The following TLK2 variants were observed in gnomAD, a reference collection of about 807,000 sequenced individuals.
The protein encoded by TLK2 is tousled like kinase 2.
Under a neutral mutation model 117.3 loss-of-function variants are expected in TLK2, and 6 were observed. The observed-to-expected ratio is 0.05, with a 90% CI of 0.03 to 0.10. TLK2 has a LOEUF of 0.10. Ranked by LOEUF, TLK2 falls within the 10% of genes least tolerant of loss-of-function variation. TLK2 has a pLI of 1.00. For missense variants in TLK2, 299 were observed against 901.2 expected (o/e 0.33, Z 8.56); for synonymous variants, 257 against 316.7 (o/e 0.81, Z 2.00).
At chr17:62,593,101 G>T (rs1044279236) in intron 16 of TLK2, among the ~76,000 whole-genome samples, 1 of 152,156 alleles carries the variant, frequency 6.6e-6, no homozygotes, top group Admixed American at 6.5e-5. Flanking sequence ...TCCTAACAAG[G>T]CACGGACCTG....
chr17:62,536,941 A>G (rs1234394188), intron 7 of TLK2, among the ~76,000 whole-genome samples: 1 of 152,160 alleles, frequency 6.6e-6, no homozygotes, highest in African/African-American at 2.4e-5. Context: ...GTTTGACCTC[A>G]TTTCATAAGG....
chr17:62,486,522 G>A (rs530643190), intron 2 of TLK2, among the ~76,000 whole-genome samples: 6 of 152,128 alleles, frequency 3.9e-5, no homozygotes, highest in Non-Finnish European at 7.3e-5. Flanking sequence ...CTAGTAATGT[G>A]AAACTGACTA....
At chr17:62,484,674 A>G (rs2072124624) in intron 2 of TLK2, among the ~76,000 whole-genome samples, 1 of 152,062 alleles carries the variant, frequency 6.6e-6, no homozygotes, top group African/African-American at 2.4e-5. Flanking sequence ...GGAGGGGATG[A>G]TGATACTGGG....
intron 21 of TLK2, among the ~76,000 whole-genome samples, chr17:62,611,246 T>A (rs1823478825): frequency 6.6e-6 from 1 of 152,234 alleles, no homozygotes; most frequent in Admixed American, 6.5e-5. Context: ...AGGCCAAGGA[T>A]CATTATGTTC....
chr17:62,522,515 A>G (rs1414046434), intron 4 of TLK2, among the ~76,000 whole-genome samples: 2 of 152,146 alleles, frequency 1.3e-5, no homozygotes, highest in African/African-American at 4.8e-5. Flanking sequence ...CTTCTTAACC[A>G]CAGGTTTTTC....
At chr17:62,523,218 A>G in intron 5 of TLK2, 41 bp downstream of exon 5, 1 of 1,590,342 alleles carries the variant, frequency 6.3e-7, no homozygotes, top group Admixed American at 1.9e-5. Flanking sequence ...ACAAAACAAA[A>G]CAAAAAAACT....
At chr17:62,610,033 C>T (rs1357276491) in intron 21 of TLK2, among the ~76,000 whole-genome samples, 2 of 152,182 alleles carry the variant, frequency 1.3e-5, no homozygotes, top group Non-Finnish European at 2.9e-5. Flanking sequence ...GCCACAGCTG[C>T]CACCCAGAGT....
chr17:62,604,668 T>C (rs2083130388), intron 19 of TLK2, among the ~76,000 whole-genome samples: 1 of 151,968 alleles, frequency 6.6e-6, no homozygotes, highest in African/African-American at 2.4e-5. Flanking sequence ...CCCAGCACTT[T>C]GGGAGGCCAA....
upstream of TLK2, among the ~76,000 whole-genome samples, chr17:62,476,202 A>G (rs996074570): frequency 1.3e-5 from 2 of 151,338 alleles, no homozygotes; most frequent in Admixed American, 6.6e-5. Context: ...CTGGTCTCGA[A>G]CTGCTGGCCT....
chr17:62,477,015 C>G (rs2071068816), upstream of TLK2, among the ~76,000 whole-genome samples: 1 of 151,920 alleles, frequency 6.6e-6, no homozygotes, highest in South Asian at 2.1e-4. Flanking sequence ...TGCTTGAACC[C>G]GGGTGGCAGA....
At chr17:62,549,418 A>AAAAAAAAAAAAAAAAAAAAAAAAAG (rs1598512121) in intron 7 of TLK2, among the ~76,000 whole-genome samples, 4 of 8,532 alleles carry the variant, frequency 4.7e-4, no homozygotes, top group Non-Finnish European at 6.2e-4. Flanking sequence ...AAAAAAAAAA[A>AAAAAAAAAAAAAAAAAAAAAAAAAG]AAAAAAAAAA....
At chr17:62,479,914 A>T (rs2071422046) in intron 1 of TLK2, among the ~76,000 whole-genome samples, 1 of 152,200 alleles carries the variant, frequency 6.6e-6, no homozygotes, top group Non-Finnish European at 1.5e-5. Flanking sequence ...AGACGCGAGG[A>T]AGGCCACGGG....
At chr17:62,471,125 G>A (rs2543454) in intron 1 of TLK2, 12 of 152,394 alleles carry the variant, frequency 7.9e-5, no homozygotes, top group African/African-American at 2.4e-4. Context: ...GAGAGTTTAA[G>A]TAACTTGCCA....
In TLK2 at chr17:62,514,776, G is replaced by A. The variant is rs573619861; in HGVS notation, c.82-5997G>A. ...GTATTTTTAGTAGAGATGGGGTTTC[G>A]CCATGTTGGCCATGCTTCTCTCAAA... On this transcript the variant is annotated intron_variant, in intron 2 of 21. Transcript: ENST00000346027. Among the ~76,000 whole-genome samples the A allele has an allele frequency of 1.3e-4, 19 of 151,528 alleles. No homozygotes were observed. The East Asian group carries it at 3.4e-3, about 27-fold the overall frequency.
At chr17:62,494,759 G>A (rs926952483) in intron 2 of TLK2, among the ~76,000 whole-genome samples, 1 of 152,200 alleles carries the variant, frequency 6.6e-6, no homozygotes, top group African/African-American at 2.4e-5. Context: ...GGACTCAGAT[G>A]CCTATGGCAC....
At chr17:62,540,423 T>TTTTTTTTTTTTTTTTTTC (rs2077447509) in intron 7 of TLK2, among the ~76,000 whole-genome samples, 1 of 129,982 alleles carries the variant, frequency 7.7e-6, no homozygotes, top group African/African-American at 2.9e-5. Flanking sequence ...TTTTTTTTTT[T>TTTTTTTTTTTTTTTTTTC]GAGACAGAGT....
At chr17:62,599,135 C>T (rs2082691958) in intron 17 of TLK2, among the ~76,000 whole-genome samples, 2 of 152,138 alleles carry the variant, frequency 1.3e-5, no homozygotes, top group African/African-American at 2.4e-5. Flanking sequence ...TTAGTAGAGA[C>T]AGAGTTTCAC....
At chr17:62,587,180 T>G (rs192601985) in intron 16 of TLK2, among the ~76,000 whole-genome samples, 13 of 152,340 alleles carry the variant, frequency 8.5e-5, no homozygotes, top group South Asian at 6.2e-4. Context: ...TCCACTGATG[T>G]CAGGTTTTGC....
intron 9 of TLK2, among the ~76,000 whole-genome samples, chr17:62,555,185 C>T (rs2078763097): frequency 6.6e-6 from 1 of 152,112 alleles, no homozygotes; most frequent in Non-Finnish European, 1.5e-5. Flanking sequence ...ACCTCCAGGG[C>T]TACTGTGACA....
Sources: allele counts gnomAD v4.1 joint callset (sites outside exome capture counted in the v4.1 genomes callset), GRCh38; gene constraint gnomAD v4.1.1; transcripts MANE v1.5; gene names NCBI Gene and HGNC (gene_info 2026-07-23, HGNC 2026-07-21).